ADGRL2: variants seen among roughly 807,000 people sequenced by gnomAD.
The protein encoded by ADGRL2 is adhesion G protein-coupled receptor L2.
A neutral mutation model predicts 157.4 loss-of-function variants in ADGRL2; 44 were observed. The ratio of observed to expected loss-of-function variants is 0.28; its 90% CI spans 0.22 to 0.36. The LOEUF (loss-of-function observed/expected upper bound fraction) is 0.36, where lower values mean the gene tolerates loss of function less well. Among genes scored for constraint, ADGRL2 ranks in the 10% least tolerant of loss-of-function variants. The pLI is 1.00. For synonymous variants in ADGRL2, 585 were observed against 624.7 expected (o/e 0.94, Z 0.95); for missense variants, 1,510 against 1,768.9 (o/e 0.85, Z 2.63).
At chr1:81,696,815 G>A (rs748548493), upstream of ADGRL2, among the ~76,000 whole-genome samples, 1 of 152,092 alleles carries the variant, frequency 6.6e-6, no homozygotes, top group Non-Finnish European at 1.5e-5. Flanking sequence ...GATTTTACCA[G>A]AAAGGAAAGA....
At chr1:81,787,161 G>GT (rs1196644388) in intron 2 of ADGRL2, among the ~76,000 whole-genome samples, 2 of 152,256 alleles carry the variant, frequency 1.3e-5, no homozygotes, top group South Asian at 2.1e-4. Context: ...ATGTGGAACT[G>GT]TAAGTCCAAT....
chr1:81,517,859 G>A (rs1318579373), intron 2 of ADGRL2, among the ~76,000 whole-genome samples: 1 of 152,092 alleles, frequency 6.6e-6, no homozygotes, highest in African/African-American at 2.4e-5. Flanking sequence ...TAGTTAGAGG[G>A]GCGTTACAAA....
chr1:81,639,784 C>T (rs2082183980), intron 3 of ADGRL2, among the ~76,000 whole-genome samples: 1 of 152,132 alleles, frequency 6.6e-6, no homozygotes, highest in Non-Finnish European at 1.5e-5. Context: ...TTTCACTTCA[C>T]AGCATAATGC....
intron 1 of ADGRL2, among the ~76,000 whole-genome samples, chr1:81,714,460 A>C (rs2084040741): frequency 6.6e-6 from 1 of 152,180 alleles, no homozygotes; most frequent in Admixed American, 6.5e-5. Flanking sequence ...GCAATCTTTT[A>C]TAGTATGGGG....
At chr1:81,503,220 G>A (rs2148028196) in intron 2 of ADGRL2, 1 of 1,614,206 alleles carries the variant, frequency 6.2e-7, no homozygotes, top group Non-Finnish European at 8.5e-7. Flanking sequence ...ACAGAGCAGA[G>A]GCCTCGGCTG....
chr1:81,609,877 T>G (rs868572945), intron 3 of ADGRL2, among the ~76,000 whole-genome samples: 2 of 152,250 alleles, frequency 1.3e-5, no homozygotes, highest in Admixed American at 6.5e-5. Flanking sequence ...CACTTCCACC[T>G]TGAATTTTTC....
chr1:81,387,260 A>G (rs2076454832), intron 1 of ADGRL2, among the ~76,000 whole-genome samples: 2 of 152,118 alleles, frequency 1.3e-5, no homozygotes, highest in Admixed American at 1.3e-4. Context: ...TCTGCACCAA[A>G]CCTTGCAGGA....
intron 2 of ADGRL2, among the ~76,000 whole-genome samples, chr1:81,901,582 A>T (rs989046): frequency 0.21 from 29,843 of 144,226 alleles, 3,288 homozygotes; most frequent in Admixed American, 0.26. Flanking sequence ...ATATATATAT[A>T]TTTTTTTTTT....
intron 2 of ADGRL2, among the ~76,000 whole-genome samples, chr1:81,512,038 T>C (rs767323892): frequency 1.1e-4 from 16 of 152,184 alleles, no homozygotes; most frequent in Non-Finnish European, 2.1e-4. Context: ...GGATGGCTTT[T>C]ACCTCATCGT....
chr1:81,898,315 T>G (rs1310774936), intron 2 of ADGRL2, among the ~76,000 whole-genome samples: 1 of 152,236 alleles, frequency 6.6e-6, no homozygotes, highest in Non-Finnish European at 1.5e-5. Flanking sequence ...CAACATTTTC[T>G]AGGCCAGTGT....
At chr1:81,983,445 A>C (rs1276820507) in intron 19 of ADGRL2, among the ~76,000 whole-genome samples, 1 of 152,044 alleles carries the variant, frequency 6.6e-6, no homozygotes, top group Non-Finnish European at 1.5e-5. Flanking sequence ...AGCTAAAAAG[A>C]TGAAAATGTA....
At chr1:81,329,832 T>C (rs1661152133) in intron 1 of ADGRL2, among the ~76,000 whole-genome samples, 1 of 152,136 alleles carries the variant, frequency 6.6e-6, no homozygotes, top group Non-Finnish European at 1.5e-5. Flanking sequence ...CTATAAAATG[T>C]CCCTATTCTG....
At chr1:81,451,393 T>C (rs1476175577) in intron 2 of ADGRL2, among the ~76,000 whole-genome samples, 3 of 152,216 alleles carry the variant, frequency 2.0e-5, no homozygotes, top group African/African-American at 4.8e-5. Flanking sequence ...AGAAATGCTA[T>C]TGTAGAAAAT....
At chr1:81,490,391 C>CA (rs1315939042) in intron 2 of ADGRL2, among the ~76,000 whole-genome samples, 1 of 152,172 alleles carries the variant, frequency 6.6e-6, no homozygotes, top group African/African-American at 2.4e-5. Context: ...CCTGGCCTCC[C>CA]AAAGTGCTGG....
At chr1:81,528,875 T>A (rs1020490244) in intron 2 of ADGRL2, among the ~76,000 whole-genome samples, 8 of 152,050 alleles carry the variant, frequency 5.3e-5, no homozygotes, top group Admixed American at 5.2e-4. Flanking sequence ...GGATTTGTAT[T>A]AATGAGGAGA....
intron 2 of ADGRL2, chr1:81,502,964 C>T: frequency 6.2e-7 from 1 of 1,613,012 alleles, no homozygotes; most frequent in Non-Finnish European, 8.5e-7. Flanking sequence ...GATGGAGCCC[C>T]AGTGACAACA....
chr1:81,605,064 G>A (rs911812072), intron 3 of ADGRL2, among the ~76,000 whole-genome samples: 1 of 152,084 alleles, frequency 6.6e-6, no homozygotes, highest in Non-Finnish European at 1.5e-5. Flanking sequence ...ACTGTCCAGA[G>A]TACTACCAAC....
intron 3 of ADGRL2, among the ~76,000 whole-genome samples, chr1:81,661,623 C>A (rs1385444489): frequency 1.3e-5 from 2 of 152,186 alleles, no homozygotes; most frequent in African/African-American, 4.8e-5. Context: ...CTTCACTCAT[C>A]TGTCTTAACT....
intron 1 of ADGRL2, among the ~76,000 whole-genome samples, chr1:81,815,419 C>G (rs2090297288): frequency 6.6e-6 from 1 of 151,784 alleles, no homozygotes; most frequent in Admixed American, 6.6e-5. Flanking sequence ...AATACCTGTA[C>G]TTTTGAAAGT....
Sources: gnomAD v4.1 joint callset for allele counts (sites outside exome capture counted in the v4.1 genomes callset) on GRCh38, gnomAD v4.1.1 for gene constraint, MANE v1.5 for transcripts, NCBI Gene and HGNC (gene_info 2026-07-23, HGNC 2026-07-21) for gene names.